KALRN: variants seen among roughly 807,000 people sequenced by gnomAD.
KALRN encodes kalirin.
A neutral mutation model predicts 353.7 loss-of-function variants in KALRN; 70 were observed. That is an observed-to-expected ratio of 0.20 (90% CI 0.16 to 0.24). The LOEUF (loss-of-function observed/expected upper bound fraction) is 0.24, where lower values mean the gene tolerates loss of function less well. Ranked by LOEUF, KALRN falls within the 10% of genes least tolerant of loss-of-function variation. KALRN has a pLI of 1.00. For missense variants in KALRN, 2,791 were observed against 3,756.7 expected, an observed-to-expected ratio of 0.74 and a Z score of 6.72; for synonymous variants, 1,391 against 1,434.8, an observed-to-expected ratio of 0.97 and a Z score of 0.69.
At chr3:124,360,105 C>T (rs372531854) in intron 10 of KALRN, among the ~76,000 whole-genome samples, 7 of 152,242 alleles carry the variant, frequency 4.6e-5, no homozygotes, top group Non-Finnish European at 8.8e-5. Flanking sequence ...TGGTGTTCAG[C>T]GACCCAAGGT....
intron 47 of KALRN, among the ~76,000 whole-genome samples, chr3:124,670,244 A>G (rs1418602085): frequency 1.3e-5 from 2 of 152,218 alleles, no homozygotes; most frequent in African/African-American, 2.4e-5. Context: ...TTGGCCTCCC[A>G]AAGTGCTGGG....
chr3:124,651,439 T>A (rs1224982229), intron 38 of KALRN, among the ~76,000 whole-genome samples: 1 of 152,162 alleles, frequency 6.6e-6, no homozygotes, highest in Non-Finnish European at 1.5e-5. Flanking sequence ...TGGGATTAGT[T>A]CCAAGAGAAC....
chr3:124,427,129 T>C (rs1034569827), intron 15 of KALRN, among the ~76,000 whole-genome samples: 1 of 152,184 alleles, frequency 6.6e-6, no homozygotes, highest in Non-Finnish European at 1.5e-5. Flanking sequence ...TTCAGTTTTG[T>C]TGGCTGAATA....
intron 33 of KALRN, among the ~76,000 whole-genome samples, chr3:124,549,189 A>G (rs905370621): frequency 1.6e-4 from 12 of 73,830 alleles, no homozygotes; most frequent in African/African-American, 1.4e-3. Flanking sequence ...ATAAATCACC[A>G]TGATGTAGTC....
At chr3:124,111,775 A>G (rs1310365271) in intron 1 of KALRN, among the ~76,000 whole-genome samples, 1 of 152,254 alleles carries the variant, frequency 6.6e-6, no homozygotes, top group Non-Finnish European at 1.5e-5. Flanking sequence ...TCTGTGTTCA[A>G]AATATAATAA....
chr3:124,502,603 A>G (rs1398200337), intron 33 of KALRN, among the ~76,000 whole-genome samples: 1 of 152,224 alleles, frequency 6.6e-6, no homozygotes, highest in East Asian at 1.9e-4. Flanking sequence ...TCATACCTCC[A>G]TCTCCTCATC....
At chr3:124,463,082 A>C (rs1432031333) in intron 25 of KALRN, among the ~76,000 whole-genome samples, 1 of 152,326 alleles carries the variant, frequency 6.6e-6, no homozygotes, top group African/African-American at 2.4e-5. Flanking sequence ...TTTGGAGGGA[A>C]GGATATCAAC....
intron 13 of KALRN, among the ~76,000 whole-genome samples, chr3:124,407,036 G>A (rs931976737): frequency 6.6e-6 from 1 of 151,898 alleles, no homozygotes; most frequent in African/African-American, 2.4e-5. Flanking sequence ...GTTTCACCAT[G>A]CTTGCCAGGC....
At position 124,697,645 on chromosome 3, in the gene KALRN, C is replaced by A. The variant is rs754301264; in HGVS notation, c.7752C>A (p.Ser2584=). 6.2e-7 allele frequency: 1 copy of A among 1,610,978 alleles called. No homozygotes were observed. Among genetic ancestry groups the A allele is most frequent in the Admixed American group, 1.7e-5 (1 of 59,772 alleles). ...RPIAQERSCT[S]VILRWLPPSS... ...TTGCCCAGGAGAGAAGCTGCACCTC[C>A]GTGATTCTCCGCTGGCTGCCCCCCT... The change falls in exon 55 of 60, where the codon TCC becomes TCA. Residue 2584 remains serine (S), a synonymous_variant. Coordinates refer to ENST00000682506, the MANE Select transcript of KALRN (RefSeq NM_001388419.1).
chr3:124,469,716 G>A (rs904845416), intron 25 of KALRN, among the ~76,000 whole-genome samples: 9 of 151,770 alleles, frequency 5.9e-5, no homozygotes, highest in South Asian at 2.1e-4. Context: ...TCTTTTTCCC[G>A]TTGCCACAAC....
intron 33 of KALRN, among the ~76,000 whole-genome samples, chr3:124,550,527 C>T (rs1329828040): frequency 6.6e-6 from 1 of 152,074 alleles, no homozygotes; most frequent in Non-Finnish European, 1.5e-5. Context: ...GGTGGTTGCC[C>T]TAGCCAGTGT....
chr3:124,308,419 T>C (rs9875829), intron 6 of KALRN, among the ~76,000 whole-genome samples: 94,881 of 151,562 alleles, frequency 0.63, 29,980 homozygotes, highest in South Asian at 0.78. Flanking sequence ...ATATCCTAGG[T>C]CAAAAAACAA....
chr3:124,512,976 C>T (rs606392), intron 33 of KALRN, among the ~76,000 whole-genome samples: 68,774 of 151,884 alleles, frequency 0.45, 16,900 homozygotes, highest in East Asian at 0.62. Context: ...CTGCATGAAC[C>T]AAGGGTGAGG....
intron 1 of KALRN, among the ~76,000 whole-genome samples, chr3:124,073,950 A>C (rs928189789): frequency 6.6e-6 from 1 of 152,148 alleles, no homozygotes; most frequent in Non-Finnish European, 1.5e-5. Flanking sequence ...TCATCATGCT[A>C]TAGGATGACT....
chr3:124,063,583 G>A (rs1468751808), intron 1 of KALRN, among the ~76,000 whole-genome samples: 2 of 152,220 alleles, frequency 1.3e-5, no homozygotes, highest in Non-Finnish European at 2.9e-5. Flanking sequence ...CAAGCTGGAG[G>A]CAAACAGATG....
intron 1 of KALRN, among the ~76,000 whole-genome samples, chr3:124,090,794 C>G (rs1380547270): frequency 6.6e-6 from 1 of 152,202 alleles, no homozygotes; most frequent in Non-Finnish European, 1.5e-5. Context: ...ATGCAGGCCT[C>G]TGGGAGTGAG....
intron 51 of KALRN, among the ~76,000 whole-genome samples, chr3:124,686,798 ATTT>A (rs10599336): frequency 0.025 from 1,746 of 70,422 alleles, 117 homozygotes; most frequent in East Asian, 0.045. Flanking sequence ...CACTGGTGAG[ATTT>A]TTTTTTTTTT....
At chr3:124,105,343 C>A (rs1207858648) in intron 1 of KALRN, among the ~76,000 whole-genome samples, 1 of 152,070 alleles carries the variant, frequency 6.6e-6, no homozygotes. Flanking sequence ...TTCATTCATG[C>A]ATTAAAGTAG....
At chr3:124,239,523 G>A (rs1470433013) in intron 3 of KALRN, among the ~76,000 whole-genome samples, 2 of 152,164 alleles carry the variant, frequency 1.3e-5, no homozygotes, top group East Asian at 3.8e-4. Context: ...TATTGGTGAG[G>A]AAAGATAACA....
Sources: gnomAD v4.1 joint callset for allele counts (sites outside exome capture counted in the v4.1 genomes callset) on GRCh38, gnomAD v4.1.1 for gene constraint, MANE v1.5 for transcripts, NCBI Gene and HGNC (gene_info 2026-07-23, HGNC 2026-07-21) for gene names.